Variants in ALPK2 observed in about 807,000 individuals in gnomAD.
The protein encoded by ALPK2 is alpha kinase 2.
Under a neutral mutation model 163.1 loss-of-function variants are expected in ALPK2, and 127 were observed. That is an observed-to-expected ratio of 0.78 (90% CI 0.67 to 0.90). The LOEUF (loss-of-function observed/expected upper bound fraction) is 0.90, where lower values mean the gene tolerates loss of function less well. Ranked by LOEUF, ALPK2 falls within the 40% of genes least tolerant of loss-of-function variation. The pLI, the probability that ALPK2 is intolerant of heterozygous loss-of-function variation, is 0.00. For synonymous variants in ALPK2, 953 were observed against 959.1 expected, an observed-to-expected ratio of 0.99 and a Z score of 0.12; for missense variants, 2,360 against 2,589.6, an observed-to-expected ratio of 0.91 and a Z score of 1.92.
chr18:58,564,912 C>G (rs536735656), intron 4 of ALPK2, among the ~76,000 whole-genome samples: 62 of 152,132 alleles, frequency 4.1e-4, no homozygotes, highest in African/African-American at 1.4e-3. Context: ...CATTAATCAC[C>G]CCTCCAAATG....
At chr18:58,494,622 C>T (rs1390536980) in intron 12 of ALPK2, among the ~76,000 whole-genome samples, 1 of 151,990 alleles carries the variant, frequency 6.6e-6, no homozygotes, top group Non-Finnish European at 1.5e-5. Context: ...GTGCTGTTCC[C>T]CCAGCTGAAC....
chr18:58,605,986 T>C (rs1404081147), intron 3 of ALPK2, among the ~76,000 whole-genome samples: 1 of 152,348 alleles, frequency 6.6e-6, no homozygotes, highest in African/African-American at 2.4e-5. Flanking sequence ...AATAGATGAG[T>C]AATGGGTATC....
chr18:58,541,316 A>T (rs886135282), intron 4 of ALPK2, among the ~76,000 whole-genome samples: 6 of 152,200 alleles, frequency 3.9e-5, no homozygotes, highest in Non-Finnish European at 5.9e-5. Flanking sequence ...ACTTTTAAAC[A>T]ACCAGATCTC....
chr18:58,493,856 T>C (rs913512947), intron 12 of ALPK2, among the ~76,000 whole-genome samples: 8 of 152,198 alleles, frequency 5.3e-5, no homozygotes, highest in Admixed American at 3.3e-4. Context: ...CTTATTTTGG[T>C]CTAATGCTTA....
At chr18:58,520,157 G>A (rs1006663371) in intron 8 of ALPK2, among the ~76,000 whole-genome samples, 6 of 152,104 alleles carry the variant, frequency 3.9e-5, no homozygotes, top group African/African-American at 1.4e-4. Context: ...GCCGGGTGTG[G>A]TGGTTCACAC....
chr18:58,486,974 C>A (rs531270234), intron 12 of ALPK2, among the ~76,000 whole-genome samples: 42 of 152,334 alleles, frequency 2.8e-4, no homozygotes, highest in African/African-American at 7.7e-4. Flanking sequence ...GCGACATGTG[C>A]CACCCGCTGC....
chr18:58,614,981 A>ATTTTT (rs36032036), intron 1 of ALPK2, among the ~76,000 whole-genome samples: 4 of 140,274 alleles, frequency 2.9e-5, no homozygotes, highest in African/African-American at 1.1e-4. Context: ...TCTATTATGG[A>ATTTTT]TTTTTTTTTT....
In ALPK2 at chr18:58,537,151, G is replaced by A. The variant is rs1040368852; in HGVS notation, c.3036C>T (p.Thr1012=). 2 of 1,576,276 alleles carry A rather than the reference G, an allele frequency of 1.3e-6. No individual in the cohort carries two copies. Among genetic ancestry groups the A allele is most frequent in the African/African-American group, 1.5e-5 (1 of 66,284 alleles). Residue 1012 remains threonine, a synonymous_variant, in exon 5 of 13, where the codon ACC becomes ACT. Transcript: ENST00000361673. ...TRETEDTSTV[T]IATEVHPAKY... is the part of the protein sequence containing the mutation. ...TGGCTGGGTGGACTTCGGTGGCAAT[G>A]GTAACAGTTGATGTGTCCTCAGTCT...
intron 12 of ALPK2, among the ~76,000 whole-genome samples, chr18:58,494,490 T>C (rs910492518): frequency 7.2e-5 from 11 of 152,204 alleles, no homozygotes; most frequent in Non-Finnish European, 1.5e-5. Context: ...TTTGACTTCA[T>C]TGAACAAGAC....
intron 4 of ALPK2, among the ~76,000 whole-genome samples, chr18:58,576,413 A>G (rs528637895): frequency 6.6e-6 from 1 of 152,328 alleles, no homozygotes; most frequent in Non-Finnish European, 1.5e-5. Flanking sequence ...ATTTATTGCT[A>G]TGACTACCAA....
intron 3 of ALPK2, among the ~76,000 whole-genome samples, chr18:58,590,515 C>A (rs974443493): frequency 6.6e-6 from 1 of 152,160 alleles, no homozygotes; most frequent in African/African-American, 2.4e-5. Flanking sequence ...TGATGACATC[C>A]GTGTCCTTTC....
Position 58,611,837 on chromosome 18 carries a change from C to T in ALPK2, c.-20-20G>A, listed in dbSNP as rs369986698. ...CCAAATCTGAAAAAAAAAAAAATCC[C>T]CGACATCACCATTTGTTCTGGGATT... On this transcript the variant is annotated intron_variant, in intron 1 of 12. Transcript: ENST00000361673. The T allele has an allele frequency of 7.6e-4, 992 of 1,302,476 alleles. No homozygotes were observed. Among genetic ancestry groups the T allele is most frequent in the Non-Finnish European group, 1.0e-3 (959 of 933,358 alleles). 80.7% of individuals were successfully genotyped at this position (1,302,476 alleles called of 1,614,324 possible).
chr18:58,555,519 C>T (rs913994936), intron 4 of ALPK2, among the ~76,000 whole-genome samples: 8 of 152,164 alleles, frequency 5.3e-5, no homozygotes, highest in Non-Finnish European at 1.0e-4. Context: ...TCATGTCTGA[C>T]TTTGAATAGC....
At chr18:58,623,753 G>A (rs1034699642) in intron 1 of ALPK2, among the ~76,000 whole-genome samples, 1 of 152,216 alleles carries the variant, frequency 6.6e-6, no homozygotes, top group South Asian at 2.1e-4. Flanking sequence ...GGCGGCTCAC[G>A]CCACCGTGCC....
At chr18:58,606,997 A>G (rs1012878600) in intron 3 of ALPK2, among the ~76,000 whole-genome samples, 2 of 152,240 alleles carry the variant, frequency 1.3e-5, no homozygotes, top group Non-Finnish European at 2.9e-5. Context: ...CTGAGATCCT[A>G]TCACACTTTC....
intron 3 of ALPK2, among the ~76,000 whole-genome samples, chr18:58,589,159 G>T (rs564328070): frequency 1.3e-5 from 2 of 152,226 alleles, no homozygotes; most frequent in Non-Finnish European, 2.9e-5. Context: ...TTAGCATGGA[G>T]GGGGTCACTG....
At chr18:58,482,136 G>A in intron 12 of ALPK2, 97 bp from the exon 13 acceptor site, 4 of 819,338 alleles carry the variant, frequency 4.9e-6, no homozygotes, top group Middle Eastern at 2.9e-4. Context: ...ATGGTGCATG[G>A]AACATATATG....
intron 4 of ALPK2, among the ~76,000 whole-genome samples, chr18:58,575,218 AAG>A (rs201096512): frequency 0.16 from 23,357 of 147,620 alleles, 1,882 homozygotes; most frequent in African/African-American, 0.22. Flanking sequence ...AAAAAAAAAA[AAG>A]AAGAAGAAGA....
intron 3 of ALPK2, among the ~76,000 whole-genome samples, chr18:58,597,653 C>G (rs2052047526): frequency 6.6e-6 from 1 of 152,258 alleles, no homozygotes; most frequent in East Asian, 1.9e-4. Context: ...CCAGTGGGTC[C>G]CTGTCCACCC....
Sources: gnomAD v4.1 joint callset for allele counts (sites outside exome capture counted in the v4.1 genomes callset) on GRCh38, gnomAD v4.1.1 for gene constraint, MANE v1.5 for transcripts, NCBI Gene and HGNC (gene_info 2026-07-23, HGNC 2026-07-21) for gene names.